The following NUDT2 variants were observed in gnomAD, a reference collection of about 807,000 sequenced individuals.
NUDT2 encodes bis(5'-nucleosyl)-tetraphosphatase [asymmetrical].
In NUDT2, 12 loss-of-function variants were observed where a neutral mutation model predicts 14.2. The observed-to-expected ratio is 0.84, with a 90% CI of 0.54 to 1.37. The LOEUF is 1.37. Ranked by LOEUF, NUDT2 falls within the 40% of genes most tolerant of loss-of-function variation. The pLI, the probability that NUDT2 is intolerant of heterozygous loss-of-function variation, is 0.00. For synonymous variants in NUDT2, 67 were observed against 67.4 expected, an observed-to-expected ratio of 0.99 and a Z score of 0.03; for missense variants, 167 against 176.7, an observed-to-expected ratio of 0.95 and a Z score of 0.31.
intron 2 of NUDT2, among the ~76,000 whole-genome samples, chr9:34,336,775 C>T (rs1287350726): frequency 6.6e-6 from 1 of 152,012 alleles, no homozygotes; most frequent in African/African-American, 2.4e-5. Context: ...AACTCCTGGG[C>T]TCAGGCAATC....
chr9:34,341,022 A>G (rs1360257105), intron 4 of NUDT2, among the ~76,000 whole-genome samples: 1 of 152,152 alleles, frequency 6.6e-6, no homozygotes. Context: ...GGGATGGACA[A>G]AGATCCAGGA....
chr9:34,342,199 A>G (rs971068130), intron 4 of NUDT2, among the ~76,000 whole-genome samples: 2 of 152,212 alleles, frequency 1.3e-5, no homozygotes, highest in Non-Finnish European at 2.9e-5. Context: ...GAGTTTCCCT[A>G]TGAAACTGAA....
chr9:34,329,616 G>C lies in NUDT2; in HGVS notation c.-265+17G>C, dbSNP rs1333837660. The C allele has an allele frequency of 6.6e-6, 1 of 152,224 alleles. No homozygotes were observed. Among genetic ancestry groups the C allele is most frequent in the African/African-American group, 2.4e-5 (1 of 41,450 alleles). The allele number at this position is 152,224 out of a possible 1,614,324, so 9.4% of individuals were successfully genotyped here. ...CTGCTTCGGGTGAGTACCCTTAAGG[G>C]CCCACTTGATTTTAGTTCTCAGTGG... is the stretch of plus-strand genomic sequence containing the variant. On this transcript the variant is annotated intron_variant, in intron 1 of 4. Transcript: ENST00000379158.
rs1316320645 is a variant in NUDT2 at position 34,343,306 on chromosome 9, G to A, written c.310G>A (p.Glu104Lys). The A allele has an allele frequency of 1.2e-6, 2 of 1,611,686 alleles. No individual in the cohort carries two copies. Among genetic ancestry groups the A allele is most frequent in the Non-Finnish European group, 1.7e-6 (2 of 1,179,444 alleles). ...GGCGGAGGTGAAGGACTATGACGTG[G>A]AGATCCGCCTCTCCCATGAGCACCA... ...WLAEVKDYDV[E>K]IRLSHEHQAY... The change falls in exon 5 of 5, where the codon GAG (glutamate) becomes AAG (lysine). Residue 104 changes from glutamate to lysine, a missense_variant. By Grantham distance (56) the Glu-to-Lys change is moderately conservative. Coordinates refer to ENST00000379158, the MANE Select transcript of NUDT2 (RefSeq NM_001161.5).
At chr9:34,331,240 TCA>T (rs1335241338) in intron 1 of NUDT2, among the ~76,000 whole-genome samples, 1 of 152,172 alleles carries the variant, frequency 6.6e-6, no homozygotes, top group Non-Finnish European at 1.5e-5. Flanking sequence ...AGATGAAAAG[TCA>T]TTTCTTTAAA....
intron 2 of NUDT2, 115 bp from the exon 3 acceptor site, chr9:34,338,598 T>TG (rs1838158204): frequency 6.5e-6 from 1 of 153,948 alleles, no homozygotes; most frequent in African/African-American, 2.4e-5. Flanking sequence ...ACCACACTGC[T>TG]GGGGGGTTCT....
chr9:34,338,936 A>AT, intron 3 of NUDT2, 88 bp from the exon 4 acceptor site: 2 of 1,117,934 alleles, frequency 1.8e-6, no homozygotes, highest in South Asian at 2.9e-5. Flanking sequence ...GCTAGTCTGC[A>AT]TTACTGTCCA....
intron 4 of NUDT2, among the ~76,000 whole-genome samples, chr9:34,342,809 G>A (rs891437415): frequency 2.6e-5 from 4 of 151,986 alleles, no homozygotes; most frequent in Non-Finnish European, 4.4e-5. Flanking sequence ...TTGAGGCCAG[G>A]AGTTTGAGAC....
intron 1 of NUDT2, among the ~76,000 whole-genome samples, chr9:34,334,592 A>G (rs1383960988): frequency 6.6e-6 from 1 of 152,198 alleles, no homozygotes; most frequent in East Asian, 1.9e-4. Flanking sequence ...GGCACTCTTC[A>G]GGAAAACACT....
chr9:34,339,152 G>C lies in NUDT2; in HGVS notation c.113G>C (p.Trp38Ser). The change falls in exon 4 of 5, where the codon TGG becomes TCG. Residue 38 changes from tryptophan (W) to serine (S), a missense_variant. Physicochemically the swap from Trp to Ser is radical, Grantham distance 177. Coordinates refer to ENST00000379158, the MANE Select transcript of NUDT2 (RefSeq NM_001161.5). ...CAGGCATCAGATGGCATTCATCACTGGACTCCTCCCAAAGGTAGAGGCCAG... is the reference window on the plus strand; with the variant it reads ...CAGGCATCAGATGGCATTCATCACTCGACTCCTCCCAAAGGTAGAGGCCAG... ...LLQASDGIHH[W>S]TPPKGHVEPG... 1 of 1,613,692 alleles carries C rather than the reference G, an allele frequency of 6.2e-7. No homozygotes were observed. Among genetic ancestry groups the C allele is most frequent in the Non-Finnish European group, 8.5e-7 (1 of 1,179,658 alleles).
intron 2 of NUDT2, among the ~76,000 whole-genome samples, chr9:34,337,833 G>T (rs929272792): frequency 6.6e-6 from 1 of 152,162 alleles, no homozygotes; most frequent in Non-Finnish European, 1.5e-5. Context: ...AGGAGGCTAA[G>T]GGGGGAGGAC....
chr9:34,338,327 TAA>T (rs61594121), intron 2 of NUDT2, among the ~76,000 whole-genome samples: 1,244 of 33,522 alleles, frequency 0.037, 20 homozygotes, highest in African/African-American at 0.13. Flanking sequence ...ACCCTGTCTC[TAA>T]AAAAAAAAAA....
At chr9:34,340,276 A>G (rs1838199454) in intron 4 of NUDT2, among the ~76,000 whole-genome samples, 1 of 152,200 alleles carries the variant, frequency 6.6e-6, no homozygotes, top group Admixed American at 6.5e-5. Context: ...TATGAGTTCT[A>G]CAGTGTTTCT....
chr9:34,337,378 C>T (rs1838118572), intron 2 of NUDT2, among the ~76,000 whole-genome samples: 1 of 152,124 alleles, frequency 6.6e-6, no homozygotes, highest in African/African-American at 2.4e-5. Flanking sequence ...AGGGAATGTG[C>T]ATTTTATGTT....
intron 1 of NUDT2, among the ~76,000 whole-genome samples, chr9:34,332,127 C>T: frequency 6.6e-6 from 1 of 152,288 alleles, no homozygotes; most frequent in Non-Finnish European, 1.5e-5. Context: ...TGTAAAATGT[C>T]AGTCTGACCA....
intron 2 of NUDT2, among the ~76,000 whole-genome samples, chr9:34,336,597 A>G (rs138120551): frequency 1.3e-5 from 2 of 152,184 alleles, no homozygotes; most frequent in Non-Finnish European, 2.9e-5. Context: ...GCTGGAGTGC[A>G]TTGGTGCAAA....
intron 1 of NUDT2, among the ~76,000 whole-genome samples, chr9:34,334,883 T>G (rs998649178): frequency 1.5e-4 from 23 of 152,140 alleles, no homozygotes; most frequent in African/African-American, 5.3e-4. Flanking sequence ...ACAAGAAAAT[T>G]TCGTGAGAGA....
In NUDT2 at chr9:34,330,948, G is replaced by C. The variant is rs979091882; in HGVS notation, c.-265+1349G>C. On this transcript the variant is annotated intron_variant, in intron 1 of 4. Transcript: ENST00000379158. ...TGCACTCCAGCCTGGGCGACAGAGG[G>C]AGACTCCGTCTCAAAAAAAAAAAGG... 4.6e-5 allele frequency among the ~76,000 whole-genome samples: 7 copies of C among 151,820 alleles called. No individual in the cohort carries two copies. In the Middle Eastern group the frequency reaches 0.01, roughly 223 times the overall value.
Position 34,339,085 on chromosome 9 carries a change from A to C in NUDT2, c.46A>C (p.Ile16Leu). Residue 16 changes from isoleucine to leucine, a missense_variant, in exon 4 of 5, where the codon ATT (isoleucine) becomes CTT (leucine). Coordinates refer to ENST00000379158, the MANE Select transcript of NUDT2 (RefSeq NM_001161.5). ...CGLIIFRRCL[I>L]PKVDNNAIEF... ...CTTGATCATCTTCCGAAGATGCCTC[A>C]TTCCCAAAGTGGACAACAATGCAAT... is the stretch of plus-strand genomic sequence containing the variant. The C allele has an allele frequency of 6.2e-7, 1 of 1,614,148 alleles. No homozygotes were observed. Among genetic ancestry groups the C allele is most frequent in the Non-Finnish European group, 8.5e-7 (1 of 1,179,962 alleles).
Sources: allele counts gnomAD v4.1 joint callset (sites outside exome capture counted in the v4.1 genomes callset), GRCh38; gene constraint gnomAD v4.1.1; transcripts MANE v1.5; gene names NCBI Gene and HGNC (gene_info 2026-07-23, HGNC 2026-07-21).